Variants in TRPC6 observed in about 807,000 individuals in gnomAD.
The protein encoded by TRPC6 is transient receptor potential cation channel subfamily C member 6.
Under a neutral mutation model 90.7 loss-of-function variants are expected in TRPC6, and 55 were observed. That is an observed-to-expected ratio of 0.61 (90% CI 0.49 to 0.76). TRPC6 has a LOEUF of 0.76. Ranked by LOEUF, TRPC6 falls within the 30% of genes least tolerant of loss-of-function variation. The pLI is 0.00. For missense variants in TRPC6, 989 were observed against 1,122.7 expected (o/e 0.88, Z 1.70); for synonymous variants, 393 against 393.0 (o/e 1.00, Z 0.00).
At chr11:101,555,362 A>G (rs1341542456) in intron 1 of TRPC6, among the ~76,000 whole-genome samples, 3 of 152,262 alleles carry the variant, frequency 2.0e-5, no homozygotes, top group South Asian at 2.1e-4. Context: ...ATGGACTTCT[A>G]TTATTTAACA....
chr11:101,565,597 C>T (rs1175643956), intron 1 of TRPC6, among the ~76,000 whole-genome samples: 2 of 151,928 alleles, frequency 1.3e-5, no homozygotes, highest in African/African-American at 2.4e-5. Context: ...TCTCAAAAAA[C>T]AACTCTCTGA....
At chr11:101,460,770 A>T (rs1449610813) in intron 10 of TRPC6, among the ~76,000 whole-genome samples, 1 of 152,196 alleles carries the variant, frequency 6.6e-6, no homozygotes, top group Admixed American at 6.5e-5. Flanking sequence ...GGTAAATTTT[A>T]TGCTATATAT....
At chr11:101,471,413 C>A in intron 8 of TRPC6, 27 bp from the exon 9 acceptor site, 1 of 1,609,616 alleles carries the variant, frequency 6.2e-7, no homozygotes, top group East Asian at 2.2e-5. Context: ...GACAGTTCAG[C>A]AAGGAAATGC....
chr11:101,482,605 A>G (rs553737862), intron 5 of TRPC6, among the ~76,000 whole-genome samples: 4 of 152,202 alleles, frequency 2.6e-5, no homozygotes, highest in Admixed American at 2.0e-4. Context: ...TCAAATCTCA[A>G]TGTAAAATTG....
chr11:101,479,348 C>G (rs1859494892), intron 5 of TRPC6, among the ~76,000 whole-genome samples: 1 of 152,202 alleles, frequency 6.6e-6, no homozygotes. Flanking sequence ...GCCCTTTTCA[C>G]TAGTGTCTTC....
intron 1 of TRPC6, among the ~76,000 whole-genome samples, chr11:101,567,408 A>G (rs1241431334): frequency 1.3e-5 from 2 of 151,904 alleles, no homozygotes; most frequent in South Asian, 4.2e-4. Flanking sequence ...GGGACAGAGC[A>G]TCTGGGGGAA....
At position 101,504,131 on chromosome 11, in the gene TRPC6, G is replaced by C. The variant is rs1270752540; in HGVS notation, c.838C>G (p.Leu280Val). The C allele has an allele frequency of 1.2e-6, 2 of 1,613,962 alleles. No individual in the cohort carries two copies. The highest frequency in any genetic ancestry group is 2.7e-5 in the African/African-American group (2 of 74,906). ...SRSRINAYKG[L>V]ASPAYLSLSS... Reference sequence around the variant, plus strand: ...AATGACAGGTAAGCCGGACTTGCCAGGCCTTTATAGGCATTAATCCTAGAT... The same window carrying C: ...AATGACAGGTAAGCCGGACTTGCCACGCCTTTATAGGCATTAATCCTAGAT... Residue 280 changes from leucine (L) to valine (V), a missense_variant, in exon 2 of 13, where the codon CTG becomes GTG. Around this residue, in one of 4 missense-constraint regions of TRPC6, gnomAD observed 486 missense variants for 591.9 expected, o/e 0.82. Coordinates refer to ENST00000344327, the MANE Select transcript of TRPC6 (RefSeq NM_004621.6).
At chr11:101,517,758 G>A (rs1591104867) in intron 1 of TRPC6, among the ~76,000 whole-genome samples, 1 of 152,214 alleles carries the variant, frequency 6.6e-6, no homozygotes, top group South Asian at 2.1e-4. Context: ...AAGAAACCAA[G>A]ATACAAACTA....
intron 5 of TRPC6, among the ~76,000 whole-genome samples, chr11:101,480,882 A>G: frequency 6.6e-6 from 1 of 152,222 alleles, no homozygotes; most frequent in Admixed American, 6.5e-5. Flanking sequence ...GAAGTGAAAT[A>G]TAATTTCTTT....
chr11:101,501,475 G>C (rs1320364101), intron 2 of TRPC6, among the ~76,000 whole-genome samples: 2 of 152,046 alleles, frequency 1.3e-5, no homozygotes, highest in East Asian at 1.9e-4. Flanking sequence ...CCTCACCTCA[G>C]AGACACCAAC....
rs201064728 is a variant in TRPC6 at position 101,476,416 on chromosome 11, C to T, written c.1629G>A (p.Ala543=). ...AAGCATGCCAAAATGCCATGAATCTCGCAATGAATGATGCTGCGAAAATTG... is the reference window on the plus strand; with the variant it reads ...AAGCATGCCAAAATGCCATGAATCTTGCAATGAATGATGCTGCGAAAATTG... ...MLAIFAASFI[A]RFMAFWHASK... Residue 543 remains alanine, a synonymous_variant, in exon 6 of 13, where the codon GCG becomes GCA. Coordinates refer to ENST00000344327, the MANE Select transcript of TRPC6 (RefSeq NM_004621.6). 1.1e-5 allele frequency: 17 copies of T among 1,614,036 alleles called. No individual in the cohort carries two copies. The African/African-American group carries it at 1.3e-4, about 13-fold the overall frequency.
Position 101,489,012 on chromosome 11 carries a change from C to T in TRPC6, c.1218G>A (p.Lys406=), listed in dbSNP as rs1307443661. The part of the protein sequence containing the change: ...SGLRQQTMAV[K]FLVVLAVAIG... ...TGGCAACAGCAAGGACCACAAGGAA[C>T]TTGACCGCCATTGTCTGCTGTCGTA... Residue 406 remains lysine (K), a synonymous_variant, in exon 4 of 13, where the codon AAG becomes AAA. Coordinates refer to ENST00000344327, the MANE Select transcript of TRPC6 (RefSeq NM_004621.6). The T allele has an allele frequency of 1.2e-6, 2 of 1,614,196 alleles. No individual in the cohort carries two copies. Among genetic ancestry groups the T allele is most frequent in the Admixed American group, 1.7e-5 (1 of 60,028 alleles).
chr11:101,497,801 A>G (rs1022860133), intron 2 of TRPC6, among the ~76,000 whole-genome samples: 2 of 151,956 alleles, frequency 1.3e-5, no homozygotes, highest in Non-Finnish European at 2.9e-5. Context: ...TCCACCTGTC[A>G]TCTAGGTTTT....
chr11:101,471,117 G>A, intron 9 of TRPC6, 66 bp downstream of exon 9: 2 of 1,486,802 alleles, frequency 1.3e-6, no homozygotes, highest in Non-Finnish European at 1.9e-6. Flanking sequence ...TTAAAGGGAT[G>A]TGGCATAGTG....
intron 1 of TRPC6, among the ~76,000 whole-genome samples, chr11:101,563,052 G>A (rs1473292303): frequency 6.6e-6 from 1 of 152,090 alleles, no homozygotes; most frequent in African/African-American, 2.4e-5. Flanking sequence ...CAGTATATAT[G>A]GTAACCTCTA....
intron 1 of TRPC6, 130 bp from the exon 2 acceptor site, chr11:101,504,928 A>G (rs908287818): frequency 2.4e-5 from 26 of 1,064,210 alleles, no homozygotes; most frequent in Admixed American, 6.2e-5. Context: ...GACCTACTAT[A>G]TTATAAAATG....
At chr11:101,534,436 C>T (rs1696930172) in intron 1 of TRPC6, among the ~76,000 whole-genome samples, 1 of 152,066 alleles carries the variant, frequency 6.6e-6, no homozygotes, top group African/African-American at 2.4e-5. Flanking sequence ...GCGACTGGTA[C>T]CCCTTCACTT....
chr11:101,566,982 T>C (rs1861847278), intron 1 of TRPC6, among the ~76,000 whole-genome samples: 1 of 151,842 alleles, frequency 6.6e-6, no homozygotes. Context: ...CGGGAGTTTT[T>C]TTCCATACCC....
intron 4 of TRPC6, among the ~76,000 whole-genome samples, chr11:101,486,190 A>G (rs1859675859): frequency 1.3e-5 from 2 of 152,090 alleles, no homozygotes; most frequent in Admixed American, 6.6e-5. Context: ...TTTTCTTACA[A>G]AAGTTGAGAA....
Sources: allele counts gnomAD v4.1 joint callset (sites outside exome capture counted in the v4.1 genomes callset), GRCh38; gene constraint gnomAD v4.1.1; regional missense constraint gnomAD v4.1.1; transcripts MANE v1.5; gene names NCBI Gene and HGNC (gene_info 2026-07-23, HGNC 2026-07-21).